AIG1: variants seen among roughly 807,000 people sequenced by gnomAD.
AIG1 encodes the protein androgen-induced gene 1 protein.
AIG1 carries 23 observed loss-of-function variants against 31.4 expected under a neutral mutation model. The ratio of observed to expected loss-of-function variants is 0.73; its 90% confidence interval spans 0.53 to 1.04. AIG1 has a LOEUF of 1.04. Ranked by LOEUF, AIG1 falls within the 50% of genes least tolerant of loss-of-function variation. The probability of loss-of-function intolerance (pLI) is 0.00; values close to 1 mark genes in which losing one functional copy is unlikely to be tolerated. For missense variants in AIG1, 274 were observed against 295.0 expected (o/e 0.93, Z 0.52); for synonymous variants, 100 against 110.5 (o/e 0.90, Z 0.60).
At chr6:143,225,083 G>T (rs2128626634) in intron 3 of AIG1, among the ~76,000 whole-genome samples, 1 of 152,148 alleles carries the variant, frequency 6.6e-6, no homozygotes, top group East Asian at 1.9e-4. Context: ...CAGGTTCTTG[G>T]CAAACTCTAC....
intron 3 of AIG1, among the ~76,000 whole-genome samples, chr6:143,273,428 GCA>G (rs1370545275): frequency 2.6e-5 from 4 of 152,122 alleles, no homozygotes; most frequent in Non-Finnish European, 2.9e-5. Flanking sequence ...TTTACTGAGT[GCA>G]GGAACACCTA....
At chr6:143,125,025 T>A (rs1782574503) in intron 1 of AIG1, among the ~76,000 whole-genome samples, 1 of 152,186 alleles carries the variant, frequency 6.6e-6, no homozygotes, top group African/African-American at 2.4e-5. Flanking sequence ...TGGGGTACTC[T>A]TCCTGAGCTC....
chr6:143,139,233 CTG>C (rs1295066375), intron 2 of AIG1, among the ~76,000 whole-genome samples: 1 of 152,190 alleles, frequency 6.6e-6, no homozygotes. Flanking sequence ...CCATCTATCA[CTG>C]TCTTTGTTGT....
At chr6:143,133,915 C>T (rs1257615363) in intron 1 of AIG1, among the ~76,000 whole-genome samples, 1 of 152,064 alleles carries the variant, frequency 6.6e-6, no homozygotes, top group Non-Finnish European at 1.5e-5. Context: ...CAATATTCTA[C>T]TTCCTCTGCC....
At chr6:143,119,381 G>A (rs1211910461) in intron 1 of AIG1, among the ~76,000 whole-genome samples, 5 of 152,142 alleles carry the variant, frequency 3.3e-5, no homozygotes, top group African/African-American at 1.2e-4. Flanking sequence ...GTCCATCTAT[G>A]GGGTGATACT....
At chr6:143,317,462 A>G (rs1775853037) in intron 4 of AIG1, among the ~76,000 whole-genome samples, 1 of 152,080 alleles carries the variant, frequency 6.6e-6, no homozygotes, top group Admixed American at 6.6e-5. Flanking sequence ...GCATCCCTTT[A>G]TTATTAAAAC....
intron 1 of AIG1, among the ~76,000 whole-genome samples, chr6:143,124,869 A>G (rs1322184119): frequency 6.6e-6 from 1 of 152,048 alleles, no homozygotes; most frequent in Non-Finnish European, 1.5e-5. Flanking sequence ...CCATGATCCA[A>G]TTACCTCCAC....
intron 3 of AIG1, among the ~76,000 whole-genome samples, chr6:143,184,013 G>A (rs928272406): frequency 4.6e-5 from 7 of 152,184 alleles, no homozygotes; most frequent in African/African-American, 1.7e-4. Context: ...AGAAAGTAAA[G>A]TGGAAAGAGG....
At position 143,110,807 on chromosome 6, in the gene AIG1, C is replaced by T. The variant is rs74661730; in HGVS notation, c.142-26028C>T. The stretch of plus-strand genomic sequence containing the variant: ...GTGTGGGAAGAATGACAGAGTATAT[C>T]GAGAAGCAGACTTAATGCATTGAGT... On this transcript the variant is annotated intron_variant, in intron 1 of 5. Transcript: ENST00000357847. Among the ~76,000 whole-genome samples the T allele has an allele frequency of 5.4e-3, 823 of 152,128 alleles. 1 individual carries two copies. Among genetic ancestry groups the T allele is most frequent in the Middle Eastern group, 0.014 (4 of 294 alleles).
intron 1 of AIG1, among the ~76,000 whole-genome samples, chr6:143,133,481 G>T (rs1489075793): frequency 6.6e-6 from 1 of 152,074 alleles, no homozygotes. Context: ...ATTCACCTTT[G>T]TGTATTCCCC....
intron 3 of AIG1, among the ~76,000 whole-genome samples, chr6:143,228,225 G>A (rs1050709135): frequency 6.6e-6 from 1 of 152,146 alleles, no homozygotes; most frequent in African/African-American, 2.4e-5. Flanking sequence ...ATAGTTTACT[G>A]TTCTCCGTGA....
At chr6:143,141,943 A>T (rs1336433158) in intron 2 of AIG1, among the ~76,000 whole-genome samples, 2 of 150,756 alleles carry the variant, frequency 1.3e-5, no homozygotes, top group East Asian at 1.9e-4. Context: ...AATAAATAAA[A>T]TATATATATA....
At chr6:143,342,494 G>A, downstream of AIG1, 1 of 791,554 alleles carries the variant, frequency 1.3e-6, no homozygotes, top group South Asian at 1.3e-5. Context: ...TTCCTCTGGT[G>A]GAAGAAACAG....
At chr6:143,260,288 G>A (rs1795668047) in intron 3 of AIG1, among the ~76,000 whole-genome samples, 2 of 152,178 alleles carry the variant, frequency 1.3e-5, no homozygotes, top group Non-Finnish European at 2.9e-5. Flanking sequence ...GTAAAGGGCT[G>A]GGATTACAGG....
intron 3 of AIG1, among the ~76,000 whole-genome samples, chr6:143,252,717 T>C (rs1467832856): frequency 6.6e-6 from 1 of 152,226 alleles, no homozygotes; most frequent in African/African-American, 2.4e-5. Flanking sequence ...ATTTAGCAGC[T>C]TAAAACAACG....
At chr6:143,062,397 TCTC>T (rs1265114860) in intron 1 of AIG1, among the ~76,000 whole-genome samples, 1 of 152,124 alleles carries the variant, frequency 6.6e-6, no homozygotes, top group African/African-American at 2.4e-5. Flanking sequence ...GCCTGCCAGT[TCTC>T]CTTTCATTCT....
intron 2 of AIG1, among the ~76,000 whole-genome samples, chr6:143,141,914 C>A (rs976709016): frequency 1.3e-5 from 2 of 151,524 alleles, no homozygotes; most frequent in Non-Finnish European, 2.9e-5. Flanking sequence ...GAGAGAAGAG[C>A]AGAAACAGCA....
intron 3 of AIG1, among the ~76,000 whole-genome samples, chr6:143,250,098 A>G (rs1237138257): frequency 6.6e-6 from 1 of 152,240 alleles, no homozygotes; most frequent in Non-Finnish European, 1.5e-5. Context: ...CCACTTTGGC[A>G]TCCCTGCTGG....
At chr6:143,194,298 C>A (rs1409479424) in intron 3 of AIG1, among the ~76,000 whole-genome samples, 1 of 152,178 alleles carries the variant, frequency 6.6e-6, no homozygotes, top group East Asian at 1.9e-4. Flanking sequence ...ACTCACAAAA[C>A]CATTAGATCT....
Sources: allele counts gnomAD v4.1 joint callset (sites outside exome capture counted in the v4.1 genomes callset), GRCh38; gene constraint gnomAD v4.1.1; transcripts MANE v1.5; gene names NCBI Gene and HGNC (gene_info 2026-07-23, HGNC 2026-07-21).